The following PPM1M variants were observed in gnomAD, a reference collection of about 807,000 sequenced individuals.
PPM1M encodes protein phosphatase, Mg2+/Mn2+ dependent 1M.
In PPM1M, 44 loss-of-function variants were observed where a neutral mutation model predicts 50.8. That is an observed-to-expected ratio of 0.87 (90% CI 0.68 to 1.11). PPM1M has a LOEUF of 1.11. Ranked by LOEUF, PPM1M falls within the 50% of genes most tolerant of loss-of-function variation. PPM1M has a pLI of 0.00. For synonymous variants in PPM1M, 224 were observed against 242.9 expected (o/e 0.92, Z 0.72); for missense variants, 556 against 593.4 (o/e 0.94, Z 0.66).
Position 52,249,061 on chromosome 3 carries a change from C to T in PPM1M, c.1084C>T (p.Gln362Ter), listed in dbSNP as rs774348126. The T allele has an allele frequency of 3.7e-6, 6 of 1,609,496 alleles. No homozygotes were observed. The highest frequency in any genetic ancestry group is 5.1e-6 in the Non-Finnish European group (6 of 1,177,858). The stretch of plus-strand genomic sequence containing the variant: ...CAAGCCCTTCTTGCTCTCTGTGCCA[C>T]AGGTAAGGGGGCAACGCTGTCCAAC... Reference protein sequence around the residue: ...QLKPFLLSVPQVTVLDVDQLE... With the variant: ...QLKPFLLSVP Residue 362 changes from glutamine (Q) to a stop codon, truncating the protein, a stop_gained and splice_region_variant, in exon 8 of 10, where the codon CAG becomes TAG. Coordinates refer to ENST00000323588, the MANE Select transcript of PPM1M (RefSeq NM_144641.4). LOFTEE classifies it high-confidence loss of function.
rs1175553463 is a variant in PPM1M, at chr3:52,250,386, T to G, written c.*572T>G. ...TTCTTTGCTGGAGATGAGGAACAGG[T>G]GCTGGGGCTAAAGTTTGGGGTAGAG... On this transcript the variant is annotated 3_prime_UTR_variant, in exon 10 of 10. Coordinates refer to ENST00000323588, the MANE Select transcript of PPM1M (RefSeq NM_144641.4). The G allele has an allele frequency of 6.4e-6, 1 of 155,384 alleles. No individual in the cohort carries two copies. The highest frequency in any genetic ancestry group is 1.4e-5 in the Non-Finnish European group (1 of 69,802). The allele number at this position is 155,384 out of a possible 1,614,324, so 9.6% of individuals were successfully genotyped here.
chr3:52,245,957 G>C lies in PPM1M; in HGVS notation c.133G>C (p.Gly45Arg), dbSNP rs747199058. 23 of 1,247,572 alleles carry C rather than the reference G, an allele frequency of 1.8e-5. 1 individual carries two copies. In the South Asian group the frequency reaches 2.6e-4, roughly 14 times the overall value. The allele number at this position is 1,247,572 out of a possible 1,614,324, so 77.3% of individuals were successfully genotyped here. ...CCTTCGCGGCTCCAGCTCCAGCCCCGGGGCGGCCGACGCCTCGCGCCGCCC... is the reference window on the plus strand; with the variant it reads ...CCTTCGCGGCTCCAGCTCCAGCCCCCGGGCGGCCGACGCCTCGCGCCGCCC... ...RFLRGSSSSP[G>R]AADASRRPDS... Residue 45 changes from glycine (G) to arginine (R), a missense_variant, in exon 1 of 10, where the codon GGG becomes CGG. Gly to Arg is a moderately radical substitution (Grantham distance 125). Coordinates refer to ENST00000323588, the MANE Select transcript of PPM1M (RefSeq NM_144641.4). The surrounding 1 kb of genome is among the most constrained non-coding windows in gnomAD (Gnocchi z 4.8).
chr3:52,247,271 C>T (rs1699876296), intron 3 of PPM1M, 43 bp downstream of exon 3: 4 of 1,561,956 alleles, frequency 2.6e-6, no homozygotes, highest in African/African-American at 1.4e-5. Flanking sequence ...GGAGATTTTG[C>T]CCCGGGGATC....
At chr3:52,246,203 G>C (rs374173075) in intron 1 of PPM1M, 155 bp downstream of exon 1, 11 of 1,009,692 alleles carry the variant, frequency 1.1e-5, no homozygotes, top group East Asian at 2.2e-4. Context: ...ACAACTTCCC[G>C]GTCATCCCGA....
chr3:52,250,115 C>T lies in PPM1M; in HGVS notation c.*301C>T, dbSNP rs752698226. On this transcript the variant is annotated 3_prime_UTR_variant, in exon 10 of 10. Coordinates refer to ENST00000323588, the MANE Select transcript of PPM1M (RefSeq NM_144641.4). ...GAGGCTCCTCAGACAGGATCTTGAA[C>T]AGCCCAAAGTATCATTCTCAGATAG... The T allele has an allele frequency of 5.3e-5, 18 of 339,428 alleles. No individual in the cohort carries two copies. The highest frequency in any genetic ancestry group is 9.1e-5 in the Non-Finnish European group (16 of 176,140). 21.0% of individuals were successfully genotyped at this position (339,428 alleles called of 1,614,324 possible).
At position 52,247,015 on chromosome 3, in the gene PPM1M, C is replaced by T. The variant is rs370586078; in HGVS notation, c.384C>T (p.Gly128=). Residue 128 remains glycine (G), a synonymous_variant, in exon 3 of 10, where the codon GGC becomes GGT. Transcript: ENST00000323588. The part of the protein sequence containing the change: ...GHYWALFDGH[G]GPAAAILAAN... ...ACTGGGCACTGTTCGATGGGCACGG[C>T]GGTCCTGCAGCAGCCATCTTGGCTG... The T allele has an allele frequency of 7.7e-6, 12 of 1,549,118 alleles. No individual in the cohort carries two copies. The highest frequency in any genetic ancestry group is 2.4e-5 in the East Asian group (1 of 40,888).
intron 9 of PPM1M, 72 bp from the exon 10 acceptor site, chr3:52,249,598 T>G: frequency 6.3e-7 from 1 of 1,594,048 alleles, no homozygotes; most frequent in Non-Finnish European, 8.6e-7. Flanking sequence ...CCTTGTGCAG[T>G]GAGTTCTCCT....
In PPM1M at chr3:52,249,055, G is replaced by C; in HGVS notation, c.1078G>C (p.Val360Leu). The C allele has an allele frequency of 6.2e-7, 1 of 1,609,894 alleles. No homozygotes were observed. The highest frequency in any genetic ancestry group is 8.5e-7 in the Non-Finnish European group (1 of 1,178,032). Residue 360 changes from valine to leucine, a missense_variant, in exon 8 of 10, where the codon GTG becomes CTG. Physicochemically the swap from Val to Leu is conservative, Grantham distance 32. Coordinates refer to ENST00000323588, the MANE Select transcript of PPM1M (RefSeq NM_144641.4). ...NIQLKPFLLS[V>L]PQVTVLDVDQ... is the part of the protein sequence containing the mutation. ...CCAGCTCAAGCCCTTCTTGCTCTCT[G>C]TGCCACAGGTAAGGGGGCAACGCTG...
At chr3:52,246,854 G>T in intron 2 of PPM1M, 42 bp downstream of exon 2, 1 of 1,477,288 alleles carries the variant, frequency 6.8e-7, no homozygotes, top group East Asian at 2.9e-5. Flanking sequence ...CCTCCGACAG[G>T]CTGGGGCCAC....
At position 52,247,752 on chromosome 3, in the gene PPM1M, C is replaced by A; in HGVS notation, c.668C>A (p.Ser223Tyr). Reference protein sequence around the residue: ...MGGCTALVAVSLQGKLYMANA... With the variant: ...MGGCTALVAVYLQGKLYMANA... ...GGCTGCACAGCCCTGGTGGCTGTGT[C>A]CCTGCAGGGAAAGCTGTACATGGCC... Residue 223 changes from serine to tyrosine, a missense_variant, in exon 4 of 10, where the codon TCC (serine) becomes TAC (tyrosine). By Grantham distance (144) the Ser-to-Tyr change is moderately radical. Transcript: ENST00000323588. 6.2e-7 allele frequency: 1 copy of A among 1,607,080 alleles called. No individual in the cohort carries two copies. Among genetic ancestry groups the A allele is most frequent in the South Asian group, 1.1e-5 (1 of 89,504 alleles).
chr3:52,247,760 G>C lies in PPM1M; in HGVS notation c.676G>C (p.Gly226Arg). 1 of 1,605,272 alleles carries C rather than the reference G, an allele frequency of 6.2e-7. No homozygotes were observed. The highest frequency in any genetic ancestry group is 1.3e-5 in the African/African-American group (1 of 74,896). ...AGCCCTGGTGGCTGTGTCCCTGCAG[G>C]GAAAGCTGTACATGGCCAATGCTGG... ...CTALVAVSLQGKLYMANAGDS... is the reference protein window; with the variant it reads ...CTALVAVSLQRKLYMANAGDS... Residue 226 changes from glycine to arginine, a missense_variant, in exon 4 of 10, where the codon GGA becomes CGA. Physicochemically the swap from Gly to Arg is moderately radical, Grantham distance 125. Coordinates refer to ENST00000323588, the MANE Select transcript of PPM1M (RefSeq NM_144641.4).
chr3:52,248,167 G>A lies in PPM1M; in HGVS notation c.725G>A (p.Arg242Gln), dbSNP rs375720271. 44 of 1,612,322 alleles carry A rather than the reference G, an allele frequency of 2.7e-5. No homozygotes were observed. The highest frequency in any genetic ancestry group is 6.7e-5 in the Admixed American group (4 of 59,834). ...NAGDSRAILV[R>Q]RDEIRPLSFE... ...CCTCAATCCAGGGCCATCTTGGTGCGGAGAGATGAGATACGGCCACTGAGC... is the reference window on the plus strand; with the variant it reads ...CCTCAATCCAGGGCCATCTTGGTGCAGAGAGATGAGATACGGCCACTGAGC... The change falls in exon 5 of 10, where the codon CGG becomes CAG. Residue 242 changes from arginine (R) to glutamine (Q), a missense_variant. Physicochemically the swap from Arg to Gln is conservative, Grantham distance 43 (BLOSUM62 1). Transcript: ENST00000323588.
rs375538193 is a variant in PPM1M at position 52,248,631 on chromosome 3, T to C, written c.915-6T>C. On this transcript the variant is annotated splice_region_variant and splice_polypyrimidine_tract_variant and intron_variant, in intron 6 of 9. Transcript: ENST00000323588. Reference sequence around the variant, plus strand: ...CTTGGGTTGATGCTGGCTCTGCTCCTGGTAGGAGCTACAAACGTGTGGAGA... The same window carrying C: ...CTTGGGTTGATGCTGGCTCTGCTCCCGGTAGGAGCTACAAACGTGTGGAGA... 6 of 1,613,934 alleles carry C rather than the reference T, an allele frequency of 3.7e-6. No homozygotes were observed. The African/African-American group carries it at 5.3e-5, about 14-fold the overall frequency.
rs1699858972 is a variant in PPM1M at position 52,246,526 on chromosome 3, A to C, written c.225-169A>C. 7 of 492,952 alleles carry C rather than the reference A, an allele frequency of 1.4e-5. 1 individual carries two copies. The highest frequency in any genetic ancestry group is 1.4e-4 in the South Asian group (7 of 50,370). The allele number at this position is 492,952 out of a possible 1,614,324, so 30.5% of individuals were successfully genotyped here. A position where few individuals can be genotyped will look rare whatever the true frequency, so the allele number is the denominator to read the frequency against. On this transcript the variant is annotated intron_variant, in intron 1 of 9. Transcript: ENST00000323588. The stretch of plus-strand genomic sequence containing the variant: ...TGACTTTTACCTTAGCCATGAGGCC[A>C]GTGAAGTTAGGAAGCTTACATCGTG...
chr3:52,248,547 C>T, intron 6 of PPM1M, 90 bp from the exon 7 acceptor site: 2 of 1,582,386 alleles, frequency 1.3e-6, no homozygotes, highest in South Asian at 2.2e-5. Context: ...GGCAGGGTGG[C>T]ACTGTGAGGG....
In PPM1M at chr3:52,248,449, G is replaced by C; in HGVS notation, c.910G>C (p.Gly304Arg). 3 of 1,612,918 alleles carry C rather than the reference G, an allele frequency of 1.9e-6. No homozygotes were observed. The highest frequency in any genetic ancestry group is 2.5e-6 in the Non-Finnish European group (3 of 1,179,106). ...TTTGTTCAGGGATCACCACATGAGT[G>C]GCTGGTGAGTGGGGATGGGGGACAG... is the stretch of plus-strand genomic sequence containing the variant. Reference protein sequence around the residue: ...KVLFRDHHMSGWSYKRVEKSD... With the variant: ...KVLFRDHHMSRWSYKRVEKSD... The change falls in exon 6 of 10, where the codon GGC becomes CGC. Residue 304 changes from glycine (G) to arginine (R), a missense_variant. Transcript: ENST00000323588.
chr3:52,246,626 C>A, intron 1 of PPM1M, 69 bp from the exon 2 acceptor site: 1 of 1,037,536 alleles, frequency 9.6e-7, no homozygotes, highest in Non-Finnish European at 1.3e-6. Flanking sequence ...CCTGTGCTGG[C>A]TTGGGTCCCT....
intron 5 of PPM1M, 39 bp downstream of exon 5, chr3:52,248,276 A>G: frequency 6.2e-7 from 1 of 1,606,866 alleles, no homozygotes. Flanking sequence ...TGAAGCTCCA[A>G]CTCCTGGGTC....
In PPM1M at chr3:52,249,782, C is replaced by A; in HGVS notation, c.1348C>A (p.His450Asn). The A allele has an allele frequency of 6.2e-7, 1 of 1,613,790 alleles. No homozygotes were observed. The change falls in exon 10 of 10, where the codon CAC (histidine) becomes AAC (asparagine). Residue 450 changes from histidine to asparagine, a missense_variant. By Grantham distance (68) the His-to-Asn change is moderately conservative. Coordinates refer to ENST00000323588, the MANE Select transcript of PPM1M (RefSeq NM_144641.4). ...CGTCTCTGTGTTCGTGATTCCCTTGCACAGTCAGGGCCAAGAGAGCAGTGA... is the reference window on the plus strand; with the variant it reads ...CGTCTCTGTGTTCGTGATTCCCTTGAACAGTCAGGGCCAAGAGAGCAGTGA... ...DDVSVFVIPLHSQGQESSDH is the reference protein window; with the variant it reads ...DDVSVFVIPLNSQGQESSDH
Sources: allele counts gnomAD v4.1 joint callset, GRCh38; gene constraint gnomAD v4.1.1; non-coding constraint Gnocchi (gnomAD v3.1); transcripts MANE v1.5; gene names NCBI Gene and HGNC (gene_info 2026-07-23, HGNC 2026-07-21).